The following NTF3 variants were observed in gnomAD, a reference collection of about 807,000 sequenced individuals.
The protein encoded by NTF3 is neurotrophin 3, also known as neurotrophin-3.
A neutral mutation model predicts 26.3 loss-of-function variants in NTF3; 8 were observed. The observed-to-expected ratio is 0.30, with a 90% CI of 0.18 to 0.55. The LOEUF is 0.55. NTF3 is among the 20% of genes least tolerant of loss of function. The probability of loss-of-function intolerance (pLI) is 0.93; values close to 1 mark genes in which losing one functional copy is unlikely to be tolerated. For missense variants in NTF3, 276 were observed against 352.9 expected (o/e 0.78, Z 1.75); for synonymous variants, 154 against 145.5 (o/e 1.06, Z -0.42).
intron 1 of NTF3, among the ~76,000 whole-genome samples, chr12:5,469,964 A>G (rs774489756): frequency 2.0e-5 from 3 of 152,200 alleles, no homozygotes; most frequent in Non-Finnish European, 2.9e-5. Flanking sequence ...TTGCTCTGTC[A>G]CCCAGGCTAG....
chr12:5,432,440 T>C, intron 1 of NTF3, 98 bp downstream of exon 1: 2 of 1,324,066 alleles, frequency 1.5e-6, no homozygotes, highest in Non-Finnish European at 2.1e-6. Context: ...GGGCCCCAGA[T>C]CCGCATCCCG....
chr12:5,490,817 G>A (rs1425399577), intron 1 of NTF3, among the ~76,000 whole-genome samples: 2 of 152,192 alleles, frequency 1.3e-5, no homozygotes, highest in African/African-American at 4.8e-5. Context: ...GGCATCTGGG[G>A]GAAAGCCTTG....
At position 5,443,503 on chromosome 12, in the gene NTF3, C is replaced by CATGCAACCTCTGCATGCT. The variant is rs2121151843; in HGVS notation, c.18+11162_18+11163insTGCAACCTCTGCATGCTA. Among the ~76,000 whole-genome samples the CATGCAACCTCTGCATGCT allele has an allele frequency of 2.0e-5, 3 of 152,028 alleles. No individual in the cohort carries two copies. The East Asian group carries it at 5.8e-4, about 29-fold the overall frequency. On this transcript the variant is annotated intron_variant, in intron 1 of 1. Transcript: ENST00000423158. ...AATGTTCCATGCAACCTCTGCATGC[C>CATGCAACCTCTGCATGCT]ACTCCTCTCCAGAGCTTTCCTGGAC...
At chr12:5,438,189 T>G (rs1940195953) in intron 1 of NTF3, among the ~76,000 whole-genome samples, 1 of 152,154 alleles carries the variant, frequency 6.6e-6, no homozygotes, top group Admixed American at 6.5e-5. Context: ...GAGGACTCAT[T>G]TTAGAACCTG....
In NTF3 at chr12:5,477,528, C is replaced by T. The variant is rs947400290; in HGVS notation, c.19-16666C>T. 4.6e-5 allele frequency among the ~76,000 whole-genome samples: 7 copies of T among 152,226 alleles called. 1 individual carries two copies. The highest frequency in any genetic ancestry group is 1.4e-4 in the African/African-American group (6 of 41,518). On this transcript the variant is annotated intron_variant, in intron 1 of 1. Coordinates refer to ENST00000423158, the MANE Select transcript of NTF3 (RefSeq NM_001102654.2). Reference sequence around the variant, plus strand: ...ATCTCACGGAGGGTATGAGATAATACGCAGGGTTCAGGTAAGTTGTGAACT... The same window carrying T: ...ATCTCACGGAGGGTATGAGATAATATGCAGGGTTCAGGTAAGTTGTGAACT...
chr12:5,432,366 T>C (rs768565278), intron 1 of NTF3, 24 bp downstream of exon 1: 2 of 1,578,532 alleles, frequency 1.3e-6, no homozygotes, highest in Non-Finnish European at 1.7e-6. Context: ...GCGGGCACCT[T>C]GGGTGGGCAG....
Position 5,432,265 on chromosome 12 carries a change from C to G in NTF3, c.-60C>G. 1 of 1,601,804 alleles carries G rather than the reference C, an allele frequency of 6.2e-7. No individual in the cohort carries two copies. The highest frequency in any genetic ancestry group is 1.3e-5 in the African/African-American group (1 of 74,778). On this transcript the variant is annotated 5_prime_UTR_variant, in exon 1 of 2. Transcript: ENST00000423158. The stretch of plus-strand genomic sequence containing the variant: ...CGGGGTGGGGGAGACTTTGAATGAC[C>G]GAGCTCGCGTCCACCTTTCTCTTCA...
intron 1 of NTF3, among the ~76,000 whole-genome samples, chr12:5,475,499 T>C (rs1940711215): frequency 6.6e-6 from 1 of 152,060 alleles, no homozygotes; most frequent in Non-Finnish European, 1.5e-5. Context: ...CATCTGAACA[T>C]TATCTACAGA....
Position 5,494,652 on chromosome 12 carries a change from A to G in NTF3, c.477A>G (p.Arg159=), listed in dbSNP as rs187477850. 3.1e-6 allele frequency: 5 copies of G among 1,613,976 alleles called. No individual in the cohort carries two copies. The African/African-American group carries it at 5.3e-5, about 17-fold the overall frequency. The stretch of plus-strand genomic sequence containing the variant: ...GGTACGCGGAGCATAAGAGTCACCG[A>G]GGGGAGTACTCGGTATGTGACAGTG... ...RKRYAEHKSH[R]GEYSVCDSES... The change falls in exon 2 of 2, where the codon CGA becomes CGG. Residue 159 remains arginine (R), a synonymous_variant. Transcript: ENST00000423158. This position sits in a 1 kb window ranked among gnomAD's most constrained non-coding sequence, Gnocchi z 8.3.
intron 1 of NTF3, among the ~76,000 whole-genome samples, chr12:5,482,398 G>T (rs577909039): frequency 6.6e-6 from 1 of 152,142 alleles, no homozygotes; most frequent in South Asian, 2.1e-4. Flanking sequence ...CTTTCCCATG[G>T]TGCTGGGTCT....
At chr12:5,489,674 G>A (rs1166112690) in intron 1 of NTF3, among the ~76,000 whole-genome samples, 1 of 152,138 alleles carries the variant, frequency 6.6e-6, no homozygotes, top group African/African-American at 2.4e-5. Flanking sequence ...TTAGGTACAC[G>A]GTCAGGAGGT....
chr12:5,479,657 C>G (rs1332112665), intron 1 of NTF3, among the ~76,000 whole-genome samples: 1 of 152,192 alleles, frequency 6.6e-6, no homozygotes, highest in Non-Finnish European at 1.5e-5. Flanking sequence ...GATTTCTTGG[C>G]TTTAACATAG....
chr12:5,493,203 A>G (rs1263083224), intron 1 of NTF3, among the ~76,000 whole-genome samples: 1 of 152,178 alleles, frequency 6.6e-6, no homozygotes, highest in Non-Finnish European at 1.5e-5. Context: ...TGAGATCAGC[A>G]CTGTAATTCC....
chr12:5,464,325 T>C (rs1940561259), intron 1 of NTF3, among the ~76,000 whole-genome samples: 1 of 152,080 alleles, frequency 6.6e-6, no homozygotes, highest in African/African-American at 2.4e-5. Context: ...CTTATCAGAG[T>C]CACTGTGGAA....
chr12:5,485,540 C>T lies in NTF3; in HGVS notation c.19-8654C>T, dbSNP rs78139119. Among the ~76,000 whole-genome samples the T allele has an allele frequency of 3.3e-5, 5 of 152,304 alleles. No homozygotes were observed. The East Asian group carries it at 7.7e-4, about 24-fold the overall frequency. The stretch of plus-strand genomic sequence containing the variant: ...ATCCACAAAGATTAATTGAGATCAT[C>T]CATGTGAAGTGTTCCGCACAGTCTA... On this transcript the variant is annotated intron_variant, in intron 1 of 1. Coordinates refer to ENST00000423158, the MANE Select transcript of NTF3 (RefSeq NM_001102654.2).
chr12:5,483,512 G>T (rs1219799993), intron 1 of NTF3, among the ~76,000 whole-genome samples: 1 of 152,184 alleles, frequency 6.6e-6, no homozygotes, highest in South Asian at 2.1e-4. Context: ...ATTACAAGAT[G>T]ACGGCTCATC....
intron 1 of NTF3, among the ~76,000 whole-genome samples, chr12:5,490,116 A>G (rs967588519): frequency 4.6e-5 from 7 of 152,160 alleles, no homozygotes; most frequent in Non-Finnish European, 8.8e-5. Flanking sequence ...TTTTCTAATT[A>G]TAGCCAAGAA....
chr12:5,446,175 G>A (rs1251327672), intron 1 of NTF3, among the ~76,000 whole-genome samples: 1 of 152,138 alleles, frequency 6.6e-6, no homozygotes, highest in Non-Finnish European at 1.5e-5. Flanking sequence ...CATCTCCTTA[G>A]TTCCCCCAAC....
rs975337289 is a variant in NTF3, at chr12:5,456,841, G to A, written c.18+24499G>A. Among the ~76,000 whole-genome samples, 1 of 152,222 alleles carries A rather than the reference G, an allele frequency of 6.6e-6. No homozygotes were observed. Among genetic ancestry groups the A allele is most frequent in the African/African-American group, 2.4e-5 (1 of 41,462 alleles). ...CCCGTAGGTCAAGTGATTTGGGCCC[G>A]AGTTGACCCAGAGTCCCTAAATGAC... On this transcript the variant is annotated intron_variant, in intron 1 of 1. Coordinates refer to ENST00000423158, the MANE Select transcript of NTF3 (RefSeq NM_001102654.2). The surrounding 1 kb of genome is among the most constrained non-coding windows in gnomAD (Gnocchi z 4.4).
Sources: gnomAD v4.1 joint callset for allele counts (sites outside exome capture counted in the v4.1 genomes callset) on GRCh38, gnomAD v4.1.1 for gene constraint, Gnocchi (gnomAD v3.1) non-coding constraint, MANE v1.5 for transcripts, NCBI Gene and HGNC (gene_info 2026-07-23, HGNC 2026-07-21) for gene names.